Variants in CFTR observed in about 807,000 individuals in gnomAD.
The protein encoded by CFTR is CF transmembrane conductance regulator.
A neutral mutation model predicts 171.6 loss-of-function variants in CFTR; 181 were observed. The observed-to-expected ratio is 1.05, with a 90% confidence interval of 0.93 to 1.19. The LOEUF is 1.19. CFTR is among the 50% of genes most tolerant of loss of function. The probability of loss-of-function intolerance (pLI) is 0.00; values close to 1 mark genes in which losing one functional copy is unlikely to be tolerated. For missense variants in CFTR, 1,968 were observed against 1,734.7 expected (o/e 1.13, Z -2.39); for synonymous variants, 583 against 608.0 (o/e 0.96, Z 0.60).
At chr7:117,514,624 T>A (rs1297815431) in intron 3 of CFTR, among the ~76,000 whole-genome samples, 1 of 152,176 alleles carries the variant, frequency 6.6e-6, no homozygotes, top group Non-Finnish European at 1.5e-5. Flanking sequence ...AACATATATG[T>A]CCATGTGTCT....
Position 117,611,711 on chromosome 7 carries a change from C to T in CFTR, c.3270C>T (p.Phe1090=). 6.2e-7 allele frequency: 1 copy of T among 1,613,532 alleles called. No homozygotes were observed. The highest frequency in any genetic ancestry group is 8.5e-7 in the Non-Finnish European group (1 of 1,179,708). ...KALNLHTANW[F]LYLSTLRWFQ... ...TGAATTTACATACTGCCAACTGGTT[C>T]TTGTACCTGTCAACACTGCGCTGGT... The change falls in exon 20 of 27, where the codon TTC becomes TTT. Residue 1090 remains phenylalanine, a synonymous_variant. Coordinates refer to ENST00000003084, the MANE Select transcript of CFTR (RefSeq NM_000492.4).
chr7:117,632,923 T>C (rs1792771574), intron 22 of CFTR, among the ~76,000 whole-genome samples: 1 of 152,264 alleles, frequency 6.6e-6, no homozygotes, highest in South Asian at 2.1e-4. Flanking sequence ...AACTATAAGC[T>C]AAACCCATGA....
chr7:117,575,916 A>C (rs543081482), intron 11 of CFTR, among the ~76,000 whole-genome samples: 1 of 152,160 alleles, frequency 6.6e-6, no homozygotes, highest in East Asian at 1.9e-4. Context: ...GAGAGTTTTA[A>C]AATTTTTATG....
chr7:117,555,916 T>C (rs1013304798), intron 10 of CFTR, among the ~76,000 whole-genome samples: 2 of 152,194 alleles, frequency 1.3e-5, no homozygotes, highest in African/African-American at 4.8e-5. Context: ...AGTCAAAAAT[T>C]ATACGTGGAT....
Position 117,504,370 on chromosome 7 carries a change from T to G in CFTR, c.164+7T>G. ...TATCTGAAAAATTGGAAAGGTATGT[T>G]CATGTACATTGTTTAGTTGAAGAGA... On this transcript the variant is annotated splice_region_variant and intron_variant, in intron 2 of 26. Transcript: ENST00000003084. 1 of 1,315,886 alleles carries G rather than the reference T, an allele frequency of 7.6e-7. No homozygotes were observed. The highest frequency in any genetic ancestry group is 1.1e-6 in the Non-Finnish European group (1 of 907,932). The allele number at this position is 1,315,886 out of a possible 1,614,324, so 81.5% of individuals were successfully genotyped here.
intron 20 of CFTR, among the ~76,000 whole-genome samples, chr7:117,613,426 C>G (rs1189683254): frequency 6.6e-6 from 1 of 152,126 alleles, no homozygotes; most frequent in African/African-American, 2.4e-5. Context: ...AACTTGCAAA[C>G]ATTAATTAAC....
Position 117,536,670 on chromosome 7 carries a change from G to T in CFTR, c.866G>T (p.Arg289Ile). Residue 289 changes from arginine (R) to isoleucine (I), a missense_variant, in exon 7 of 27, where the codon AGA (arginine) becomes ATA (isoleucine). Arg to Ile is a moderately conservative substitution (Grantham distance 97). Transcript: ENST00000003084. Reference sequence around the variant, plus strand: ...ATGGAAAAAATGATTGAAAACTTAAGACAGTAAGTTGTTCCAATAATTTCA... The same window carrying T: ...ATGGAAAAAATGATTGAAAACTTAATACAGTAAGTTGTTCCAATAATTTCA... ...EAMEKMIENL[R>I]QTELKLTRKA... 2 of 1,609,886 alleles carry T rather than the reference G, an allele frequency of 1.2e-6. No homozygotes were observed. Among genetic ancestry groups the T allele is most frequent in the South Asian group, 1.1e-5 (1 of 90,958 alleles).
intron 2 of CFTR, among the ~76,000 whole-genome samples, chr7:117,504,912 A>G (rs1397695939): frequency 6.6e-6 from 1 of 152,166 alleles, no homozygotes; most frequent in Non-Finnish European, 1.5e-5. Context: ...TTGTCTTATT[A>G]GAGACCATGA....
chr7:117,516,569 T>A (rs529706647), intron 3 of CFTR, among the ~76,000 whole-genome samples: 2 of 152,212 alleles, frequency 1.3e-5, no homozygotes, highest in Admixed American at 1.3e-4. Context: ...GTTATAACAG[T>A]TTGTTTTTGA....
At chr7:117,485,566 C>T (rs770459841) in intron 1 of CFTR, among the ~76,000 whole-genome samples, 3 of 152,130 alleles carry the variant, frequency 2.0e-5, no homozygotes, top group Admixed American at 1.3e-4. Context: ...AGTGGCTTTA[C>T]GGCTTTACTG....
intron 22 of CFTR, among the ~76,000 whole-genome samples, chr7:117,641,919 G>A (rs1225316672): frequency 1.3e-5 from 2 of 152,092 alleles, no homozygotes; most frequent in East Asian, 3.9e-4. Flanking sequence ...GCCTTCTCTG[G>A]GAATATACTG....
intron 3 of CFTR, among the ~76,000 whole-genome samples, chr7:117,518,561 T>C (rs1340272603): frequency 2.9e-5 from 4 of 139,550 alleles, no homozygotes; most frequent in Non-Finnish European, 6.0e-5. Flanking sequence ...AGAAAACATA[T>C]ATAAAAACAT....
chr7:117,626,269 C>G (rs1296251179), intron 21 of CFTR, among the ~76,000 whole-genome samples: 3 of 152,088 alleles, frequency 2.0e-5, no homozygotes, highest in Non-Finnish European at 2.9e-5. Context: ...AACTCCTCTG[C>G]TTTATCCACC....
Position 117,587,760 on chromosome 7 carries a change from A to G in CFTR, c.1606A>G (p.Lys536Glu), listed in dbSNP as rs148173473. ...LEEDISKFAE[K>E]DNIVLGEGGI... ...ATAGGACATCTCCAAGTTTGCAGAG[A>G]AAGACAATATAGTTCTTGGAGAAGG... Residue 536 changes from lysine to glutamate, a missense_variant, in exon 12 of 27, where the codon AAA becomes GAA. Physicochemically the swap from Lys to Glu is moderately conservative, Grantham distance 56. Transcript: ENST00000003084. 28 of 1,610,426 alleles carry G rather than the reference A, an allele frequency of 1.7e-5. No individual in the cohort carries two copies. The Admixed American group carries it at 4.7e-4, about 27-fold the overall frequency.
At chr7:117,652,778 A>C (rs1793106658) in intron 23 of CFTR, 64 bp from the exon 24 acceptor site, 11 of 812,736 alleles carry the variant, frequency 1.4e-5, no homozygotes, top group Non-Finnish European at 2.3e-5. Context: ...ACAATACAAT[A>C]AGGGAAAAAT....
chr7:117,598,327 C>T (rs1183994012), intron 15 of CFTR, among the ~76,000 whole-genome samples: 5 of 152,106 alleles, frequency 3.3e-5, no homozygotes, highest in African/African-American at 1.2e-4. Context: ...AACTCAAGTC[C>T]CATGCTACCT....
chr7:117,668,510 G>A lies in CFTR; in HGVS notation c.*1402G>A, dbSNP rs1333760814. 2 of 152,586 alleles carry A rather than the reference G, an allele frequency of 1.3e-5. No homozygotes were observed. The highest frequency in any genetic ancestry group is 2.9e-5 in the Non-Finnish European group (2 of 68,040). The allele number at this position is 152,586 out of a possible 1,614,324, so 9.5% of individuals were successfully genotyped here. The stretch of plus-strand genomic sequence containing the variant: ...GATTCCCAGCCAGCACAGCCTCTTA[G>A]ATGCAGTTCTGAAGAAGATGGTACC... On this transcript the variant is annotated 3_prime_UTR_variant, in exon 27 of 27. Transcript: ENST00000003084.
At chr7:117,529,516 A>C (rs1429635641) in intron 3 of CFTR, among the ~76,000 whole-genome samples, 6 of 117,292 alleles carry the variant, frequency 5.1e-5, no homozygotes, top group African/African-American at 4.8e-4. Flanking sequence ...TAGAGTATAA[A>C]AAAAAAAAAA....
intron 11 of CFTR, among the ~76,000 whole-genome samples, chr7:117,580,959 C>T (rs766086747): frequency 1.3e-5 from 2 of 151,982 alleles, no homozygotes; most frequent in African/African-American, 2.4e-5. Flanking sequence ...TTCGAATAAA[C>T]GATTAGTCAT....
Sources: allele counts gnomAD v4.1 joint callset (sites outside exome capture counted in the v4.1 genomes callset), GRCh38; gene constraint gnomAD v4.1.1; transcripts MANE v1.5; gene names NCBI Gene and HGNC (gene_info 2026-07-23, HGNC 2026-07-21).